RASA2: variants seen among roughly 807,000 people sequenced by gnomAD.
RASA2 encodes the protein RAS p21 protein activator 2.
In RASA2, 155 loss-of-function variants were observed where a neutral mutation model predicts 118.2. The observed-to-expected ratio is 1.31, with a 90% CI of 1.15 to 1.50. The LOEUF (loss-of-function observed/expected upper bound fraction) is 1.50, where lower values mean the gene tolerates loss of function less well. Ranked by LOEUF, RASA2 falls within the 40% of genes most tolerant of loss-of-function variation. The pLI, the probability that RASA2 is intolerant of heterozygous loss-of-function variation, is 0.00. For synonymous variants in RASA2, 353 were observed against 349.1 expected, an observed-to-expected ratio of 1.01 and a Z score of -0.12; for missense variants, 1,016 against 1,009.6, an observed-to-expected ratio of 1.01 and a Z score of -0.09.
In RASA2 at chr3:141,521,894, GT is replaced by G. The variant is rs369996071; in HGVS notation, c.355+5477del. ...ATTTTCTTTTGTCATTAACACACAG[GT>G]TTTTTTTTTTTTTAATTTTGAGCTA... On this transcript the variant is annotated intron_variant, in intron 3 of 23. Coordinates refer to ENST00000286364, the MANE Select transcript of RASA2 (RefSeq NM_006506.5). Among the ~76,000 whole-genome samples, 208 of 139,580 alleles carry G rather than the reference GT, an allele frequency of 1.5e-3. 1 individual carries two copies. Among genetic ancestry groups the G allele is most frequent in the Middle Eastern group, 7.6e-3 (2 of 262 alleles). 91.6% of individuals were successfully genotyped at this position (139,580 alleles called of 152,430 possible). A position where few individuals can be genotyped will look rare whatever the true frequency, so the allele number is the denominator to read the frequency against.
chr3:141,605,755 A>AT (rs113917883), intron 19 of RASA2, among the ~76,000 whole-genome samples: 5,316 of 138,794 alleles, frequency 0.038, 183 homozygotes, highest in East Asian at 0.095. Context: ...TTAACTGGTG[A>AT]TTTTTTTTTT....
intron 3 of RASA2, among the ~76,000 whole-genome samples, chr3:141,528,634 CAG>C (rs1228272890): frequency 1.3e-5 from 2 of 151,726 alleles, no homozygotes; most frequent in African/African-American, 4.8e-5. Flanking sequence ...AATATATTCA[CAG>C]AGTTGTGTAA....
At chr3:141,579,838 C>T (rs1309123901) in intron 15 of RASA2, among the ~76,000 whole-genome samples, 7 of 151,504 alleles carry the variant, frequency 4.6e-5, no homozygotes, top group African/African-American at 1.7e-4. Flanking sequence ...GGCAGATCAC[C>T]TGAGGTCAAG....
chr3:141,592,999 A>G (rs2083310704), intron 19 of RASA2, among the ~76,000 whole-genome samples: 1 of 152,150 alleles, frequency 6.6e-6, no homozygotes, highest in Non-Finnish European at 1.5e-5. Context: ...GAATATATAT[A>G]TAGCAATTCT....
chr3:141,568,316 T>G (rs1165933633), intron 9 of RASA2, among the ~76,000 whole-genome samples: 1 of 152,076 alleles, frequency 6.6e-6, no homozygotes, highest in Non-Finnish European at 1.5e-5. Flanking sequence ...TTTTGTAAAC[T>G]GACTAATAGG....
chr3:141,586,515 CA>C (rs1475653263), intron 18 of RASA2, 130 bp from the exon 19 acceptor site: 1 of 588,854 alleles, frequency 1.7e-6, no homozygotes, highest in African/African-American at 1.9e-5. Flanking sequence ...TCATGGATAG[CA>C]AAAACATTTT....
rs888912889 is a variant in RASA2 at position 141,615,097 on chromosome 3, G to A, written c.*2784G>A. 1.3e-5 allele frequency: 2 copies of A among 152,102 alleles called. No homozygotes were observed. The highest frequency in any genetic ancestry group is 2.9e-5 in the Non-Finnish European group (2 of 68,020). The allele number at this position is 152,102 out of a possible 1,614,324, so 9.4% of individuals were successfully genotyped here. On this transcript the variant is annotated 3_prime_UTR_variant, in exon 24 of 24. Transcript: ENST00000286364. The stretch of plus-strand genomic sequence containing the variant: ...TTCTAGAGTTAAATTACCAATCTTG[G>A]TTGATATTATCTGCTTCCATTTTTA...
At chr3:141,492,117 T>C (rs1159676339) in intron 1 of RASA2, among the ~76,000 whole-genome samples, 2 of 152,230 alleles carry the variant, frequency 1.3e-5, no homozygotes, top group Non-Finnish European at 2.9e-5. Context: ...ATTTGCTCTG[T>C]GGAAGACGGG....
At chr3:141,504,674 A>G (rs2081837303) in intron 1 of RASA2, among the ~76,000 whole-genome samples, 1 of 152,086 alleles carries the variant, frequency 6.6e-6, no homozygotes, top group Non-Finnish European at 1.5e-5. Flanking sequence ...TCCCCTCTGC[A>G]CTGATTTTAA....
At chr3:141,540,678 C>A in intron 5 of RASA2, 69 bp downstream of exon 5, 1 of 1,335,958 alleles carries the variant, frequency 7.5e-7, no homozygotes, top group Non-Finnish European at 1.0e-6. Flanking sequence ...GATTTTAAGC[C>A]AACTCCTTGT....
At chr3:141,559,110 C>A in intron 8 of RASA2, 148 bp downstream of exon 8, 2 of 574,318 alleles carry the variant, frequency 3.5e-6, no homozygotes, top group Non-Finnish European at 6.1e-6. Context: ...TAATTTAAAT[C>A]CAGATTATCT....
At chr3:141,611,330 A>G (rs919394027) in intron 23 of RASA2, among the ~76,000 whole-genome samples, 78 of 152,286 alleles carry the variant, frequency 5.1e-4, no homozygotes, top group African/African-American at 1.7e-3. Flanking sequence ...ATATGATAGC[A>G]TCCAGAGGCA....
chr3:141,559,914 G>C lies in RASA2; in HGVS notation c.782G>C (p.Gly261Ala). Reference protein sequence around the residue: ...LEIRIDLWNNGNLVQDVFLGE... With the variant: ...LEIRIDLWNNANLVQDVFLGE... ...TTCAGGATCGACTTGTGGAACAATG[G>C]AAACCTAGTCCAAGATGTTTTCCTA... The change falls in exon 9 of 24, where the codon GGA (glycine) becomes GCA (alanine). Residue 261 changes from glycine (G) to alanine (A), a missense_variant. Coordinates refer to ENST00000286364, the MANE Select transcript of RASA2 (RefSeq NM_006506.5). The C allele has an allele frequency of 6.2e-7, 1 of 1,613,116 alleles. No individual in the cohort carries two copies. Among genetic ancestry groups the C allele is most frequent in the Non-Finnish European group, 8.5e-7 (1 of 1,179,364 alleles).
intron 19 of RASA2, among the ~76,000 whole-genome samples, chr3:141,602,484 C>A (rs1187388903): frequency 6.6e-6 from 1 of 152,170 alleles, no homozygotes; most frequent in African/African-American, 2.4e-5. Context: ...GCTGCTCCTG[C>A]TGGGTGGCCC....
intron 5 of RASA2, among the ~76,000 whole-genome samples, chr3:141,545,712 C>A (rs1390976661): frequency 6.6e-6 from 1 of 151,984 alleles, no homozygotes; most frequent in Non-Finnish European, 1.5e-5. Flanking sequence ...TCCCAAAGTG[C>A]TGGGATTACA....
intron 19 of RASA2, among the ~76,000 whole-genome samples, chr3:141,596,882 G>A (rs548222312): frequency 3.9e-5 from 6 of 152,220 alleles, no homozygotes; most frequent in African/African-American, 1.4e-4. Context: ...TCAGCAACTG[G>A]GCAGTTCTCA....
Position 141,586,023 on chromosome 3 carries a change from A to G in RASA2, c.1753-2A>G. On this transcript the variant is annotated splice_acceptor_variant, in intron 17 of 23. Transcript: ENST00000286364. LOFTEE classifies it high-confidence loss of function. ...GTAATATTTGCCCATTTCCCCATTT[A>G]GTTCTTGGATGAAATTTCATCTACT... The G allele has an allele frequency of 6.2e-7, 1 of 1,605,532 alleles. No individual in the cohort carries two copies. The highest frequency in any genetic ancestry group is 8.5e-7 in the Non-Finnish European group (1 of 1,172,826).
intron 19 of RASA2, among the ~76,000 whole-genome samples, chr3:141,605,254 C>T (rs1387359074): frequency 6.6e-6 from 1 of 152,076 alleles, no homozygotes; most frequent in African/African-American, 2.4e-5. Context: ...TAATTTTCTC[C>T]TGAATACTCT....
In RASA2 at chr3:141,572,729, G is replaced by C. The variant is rs753305955; in HGVS notation, c.1284+6G>C. 1.3e-6 allele frequency: 2 copies of C among 1,551,308 alleles called. No individual in the cohort carries two copies. The highest frequency in any genetic ancestry group is 2.3e-5 in the South Asian group (2 of 87,996). On this transcript the variant is annotated splice_donor_region_variant and intron_variant, in intron 12 of 23. Transcript: ENST00000286364. ...TAAAACCTATTCTTGATGAGGTACAGAATATATCTCCAACAATGATAGTTT... is the reference window on the plus strand; with the variant it reads ...TAAAACCTATTCTTGATGAGGTACACAATATATCTCCAACAATGATAGTTT...
Sources: gnomAD v4.1 joint callset for allele counts (sites outside exome capture counted in the v4.1 genomes callset) on GRCh38, gnomAD v4.1.1 for gene constraint, MANE v1.5 for transcripts, NCBI Gene and HGNC (gene_info 2026-07-23, HGNC 2026-07-21) for gene names.